The following BOLL variants were observed in gnomAD, a reference collection of about 807,000 sequenced individuals.
BOLL encodes boule RNA binding protein.
In BOLL, 23 loss-of-function variants were observed where a neutral mutation model predicts 44.4. The observed-to-expected ratio is 0.52, with a 90% CI of 0.37 to 0.73. BOLL has a LOEUF of 0.73. Among genes scored for constraint, BOLL ranks in the 30% least tolerant of loss-of-function variants. The probability of loss-of-function intolerance (pLI) is 0.00; values close to 1 mark genes in which losing one functional copy is unlikely to be tolerated. For synonymous variants in BOLL, 97 were observed against 110.8 expected (o/e 0.88, Z 0.78); for missense variants, 287 against 338.3 (o/e 0.85, Z 1.19).
chr2:197,745,827 A>G (rs1687964319), intron 9 of BOLL, among the ~76,000 whole-genome samples: 1 of 152,192 alleles, frequency 6.6e-6, no homozygotes, highest in South Asian at 2.1e-4. Flanking sequence ...ATGTTCTGGA[A>G]GACCTCCTCA....
intron 9 of BOLL, among the ~76,000 whole-genome samples, chr2:197,749,612 G>T (rs969645016): frequency 4.6e-5 from 7 of 151,726 alleles, no homozygotes. Context: ...TAGCTGAATT[G>T]ATCAAGCAGA....
At chr2:197,754,672 C>G (rs1420835332) in intron 9 of BOLL, among the ~76,000 whole-genome samples, 2 of 149,158 alleles carry the variant, frequency 1.3e-5, no homozygotes, top group Non-Finnish European at 3.0e-5. Flanking sequence ...CGAGACCACA[C>G]CATTGCACTC....
chr2:197,782,430 G>A (rs142451590), intron 1 of BOLL, among the ~76,000 whole-genome samples: 130 of 152,330 alleles, frequency 8.5e-4, no homozygotes, highest in African/African-American at 3.0e-3. Flanking sequence ...TGGCTGATAT[G>A]AGTGACTGCT....
chr2:197,757,305 T>G, intron 8 of BOLL, 48 bp downstream of exon 8: 1 of 1,516,320 alleles, frequency 6.6e-7, no homozygotes, highest in Non-Finnish European at 9.0e-7. Flanking sequence ...ATCACAAGAA[T>G]ATAATGAAAG....
In BOLL at chr2:197,742,512, T is replaced by C. The variant is rs200459513; in HGVS notation, c.828+549A>G. Among the ~76,000 whole-genome samples, 501 of 151,994 alleles carry C rather than the reference T, an allele frequency of 3.3e-3. 10 individuals are homozygous for C. Among genetic ancestry groups the C allele is most frequent in the East Asian group, 0.025 (123 of 4,982 alleles). The stretch of plus-strand genomic sequence containing the variant: ...AAAAATGATGAGTTCATGTCCTTTG[T>C]AGGGACATGGATGAAGCTGGAAACC... On this transcript the variant is annotated intron_variant, in intron 10 of 10. Transcript: ENST00000392296.
At chr2:197,780,152 C>T (rs1689702070) in intron 2 of BOLL, among the ~76,000 whole-genome samples, 1 of 151,954 alleles carries the variant, frequency 6.6e-6, no homozygotes, top group Non-Finnish European at 1.5e-5. Flanking sequence ...GTAGAATAAT[C>T]ACTACCTCAA....
chr2:197,729,645 G>A (rs565537813), intron 10 of BOLL, among the ~76,000 whole-genome samples: 58 of 152,288 alleles, frequency 3.8e-4, no homozygotes, highest in Non-Finnish European at 6.5e-4. Context: ...CCTCAAGTGG[G>A]TCCCTGACCC....
Position 197,728,422 on chromosome 2 carries a change from T to A in BOLL, c.*133A>T. 1.5e-6 allele frequency: 2 copies of A among 1,362,036 alleles called. No individual in the cohort carries two copies. The highest frequency in any genetic ancestry group is 1.2e-5 in the South Asian group (1 of 80,660). 84.4% of individuals were successfully genotyped at this position (1,362,036 alleles called of 1,614,324 possible). Reference sequence around the variant, plus strand: ...GACAGCTTATAGTGGAATAACTGAGTATGGTGAGGTATTAACTAACACTAA... The same window carrying A: ...GACAGCTTATAGTGGAATAACTGAGAATGGTGAGGTATTAACTAACACTAA... On this transcript the variant is annotated 3_prime_UTR_variant, in exon 11 of 11. Coordinates refer to ENST00000392296, the MANE Select transcript of BOLL (RefSeq NM_033030.6).
At chr2:197,759,210 A>G (rs1204713972) in intron 7 of BOLL, among the ~76,000 whole-genome samples, 1 of 152,154 alleles carries the variant, frequency 6.6e-6, no homozygotes, top group African/African-American at 2.4e-5. Flanking sequence ...CAAATCCAGG[A>G]GCGCAGCATG....
intron 10 of BOLL, among the ~76,000 whole-genome samples, chr2:197,732,082 AAG>A (rs1227187602): frequency 1.3e-5 from 2 of 149,924 alleles, no homozygotes; most frequent in African/African-American, 2.5e-5. Flanking sequence ...TAAAGAAAAA[AAG>A]AGAGAAGAAT....
At chr2:197,750,759 A>G (rs190402278) in intron 9 of BOLL, among the ~76,000 whole-genome samples, 2 of 152,358 alleles carry the variant, frequency 1.3e-5, no homozygotes, top group East Asian at 1.9e-4. Context: ...ATTAACAAAT[A>G]TAGTCAGGAC....
chr2:197,756,646 GT>G, intron 8 of BOLL, 90 bp from the exon 9 acceptor site: 1 of 1,274,894 alleles, frequency 7.8e-7, no homozygotes, highest in Non-Finnish European at 1.0e-6. Flanking sequence ...AGAAGTACTT[GT>G]TTTTTATTTT....
intron 9 of BOLL, among the ~76,000 whole-genome samples, chr2:197,753,202 T>G (rs1688343989): frequency 6.6e-6 from 1 of 152,166 alleles, no homozygotes; most frequent in Non-Finnish European, 1.5e-5. Context: ...ATAAAAATCC[T>G]AGAAGAAAAC....
At chr2:197,775,603 C>T (rs931959165) in intron 5 of BOLL, 62 bp downstream of exon 5, 51 of 1,069,556 alleles carry the variant, frequency 4.8e-5, no homozygotes, top group Non-Finnish European at 6.6e-5. Flanking sequence ...TATAAAAAGT[C>T]TTATATTTCA....
rs970271511 is a variant in BOLL at position 197,777,144 on chromosome 2, A to G, written c.222-31T>C. ...TAAATGCATTAATTATTACTAATTA[A>G]TCATTTTCTTAGAATGTTATATTAA... On this transcript the variant is annotated intron_variant, in intron 3 of 10. Transcript: ENST00000392296. The G allele has an allele frequency of 2.9e-6, 4 of 1,370,792 alleles. No homozygotes were observed. The African/African-American group carries it at 4.4e-5, about 15-fold the overall frequency. The allele number at this position is 1,370,792 out of a possible 1,614,324, so 84.9% of individuals were successfully genotyped here. A position where few individuals can be genotyped will look rare whatever the true frequency, so the allele number is the denominator to read the frequency against.
At chr2:197,782,199 T>C (rs1048161903) in intron 1 of BOLL, among the ~76,000 whole-genome samples, 2 of 152,190 alleles carry the variant, frequency 1.3e-5, no homozygotes, top group Admixed American at 6.5e-5. Context: ...AGTCCCAGCC[T>C]GACACAATCA....
At chr2:197,729,737 C>T (rs1194510143) in intron 10 of BOLL, among the ~76,000 whole-genome samples, 35 of 151,844 alleles carry the variant, frequency 2.3e-4, no homozygotes, top group African/African-American at 5.6e-4. Flanking sequence ...TTCCAACAGA[C>T]CTGCAGCTGA....
intron 6 of BOLL, 70 bp from the exon 7 acceptor site, chr2:197,766,673 A>G (rs912170396): frequency 8.9e-7 from 1 of 1,118,316 alleles, no homozygotes; most frequent in Non-Finnish European, 1.3e-6. Flanking sequence ...ATTTATCTCA[A>G]ATTATTACCT....
In BOLL at chr2:197,781,851, C is replaced by G. The variant is rs1472444676; in HGVS notation, c.-1G>C. On this transcript the variant is annotated 5_prime_UTR_variant, in exon 2 of 11. Transcript: ENST00000392296. ...ATGGAGATAATGAATCTGTTTGCAT[C>G]TGGTTTGATGTTTGCTGTAAAATAA... is the stretch of plus-strand genomic sequence containing the variant. The G allele has an allele frequency of 9.4e-6, 15 of 1,598,806 alleles. No individual in the cohort carries two copies. Among genetic ancestry groups the G allele is most frequent in the Non-Finnish European group, 1.3e-5 (15 of 1,169,846 alleles).
Sources: allele counts gnomAD v4.1 joint callset (sites outside exome capture counted in the v4.1 genomes callset), GRCh38; gene constraint gnomAD v4.1.1; transcripts MANE v1.5; gene names NCBI Gene and HGNC (gene_info 2026-07-23, HGNC 2026-07-21).